Variants in MYO9A observed in about 807,000 individuals in gnomAD.
The protein encoded by MYO9A is unconventional myosin-IXa.
MYO9A carries 103 observed loss-of-function variants against 293.3 expected under a neutral mutation model. The observed-to-expected ratio is 0.35, with a 90% CI of 0.30 to 0.41. The LOEUF (loss-of-function observed/expected upper bound fraction) is 0.41. Ranked by LOEUF, MYO9A falls within the 10% of genes least tolerant of loss-of-function variation. The pLI is 1.00. For synonymous variants in MYO9A, 1,001 were observed against 1,035.7 expected (o/e 0.97, Z 0.64); for missense variants, 2,685 against 3,033.0 (o/e 0.89, Z 2.69).
intron 8 of MYO9A, among the ~76,000 whole-genome samples, chr15:72,000,990 TAGA>T (rs1459569319): frequency 1.3e-5 from 2 of 152,300 alleles, no homozygotes; most frequent in East Asian, 1.9e-4. Context: ...AACCTAAAAG[TAGA>T]AGGTTAGAGC....
rs1326003935 is a variant in MYO9A, at chr15:71,893,681, C to T, written c.5140G>A (p.Glu1714Lys). The change falls in exon 26 of 42, where the codon GAG becomes AAG. Residue 1714 changes from glutamate (E) to lysine (K), a missense_variant and splice_region_variant. By Grantham distance (56) the Glu-to-Lys change is moderately conservative. Transcript: ENST00000356056. ...ATAAACAAAAACTCAAAACTTACCT[C>T]TCTTTGGCCTGGCCCAGCTAACTTC... Reference protein sequence around the residue: ...PVKLAGPGQRETSQRFSSVDE... With the variant: ...PVKLAGPGQRKTSQRFSSVDE... 5.0e-6 allele frequency: 8 copies of T among 1,612,280 alleles called. No homozygotes were observed. The Admixed American group carries it at 1.3e-4, about 27-fold the overall frequency.
intron 15 of MYO9A, among the ~76,000 whole-genome samples, chr15:71,942,625 T>C (rs1240511236): frequency 6.6e-6 from 1 of 152,056 alleles, no homozygotes; most frequent in Non-Finnish European, 1.5e-5. Flanking sequence ...ACTTTCTGCT[T>C]TATTTATCCT....
chr15:71,893,581 TG>T, intron 26 of MYO9A, 97 bp downstream of exon 26: 1 of 879,492 alleles, frequency 1.1e-6, no homozygotes, highest in Non-Finnish European at 1.8e-6. Context: ...TGGGAGTAAA[TG>T]GGTAGATGAG....
intron 15 of MYO9A, among the ~76,000 whole-genome samples, chr15:71,944,834 A>G (rs917924395): frequency 6.6e-6 from 1 of 152,134 alleles, no homozygotes; most frequent in Non-Finnish European, 1.5e-5. Context: ...ATTTCTCTAT[A>G]AAGTTTAGAT....
intron 1 of MYO9A, among the ~76,000 whole-genome samples, chr15:72,102,893 T>G (rs2080406519): frequency 6.6e-6 from 1 of 151,908 alleles, no homozygotes; most frequent in Admixed American, 6.6e-5. Context: ...GAGACAAAAT[T>G]GTCATTATTT....
In MYO9A at chr15:71,825,995, G is replaced by GTTTTTTTTTTTTTTTT. The variant is rs11368306; in HGVS notation, c.*584_*585insAAAAAAAAAAAAAAAA. 2.2e-5 allele frequency: 2 copies of GTTTTTTTTTTTTTTTT among 91,524 alleles called. No homozygotes were observed. The highest frequency in any genetic ancestry group is 4.5e-5 in the Non-Finnish European group (2 of 44,768). The allele number at this position is 91,524 out of a possible 1,614,324, so 5.7% of individuals were successfully genotyped here. On this transcript the variant is annotated 3_prime_UTR_variant, in exon 42 of 42. Coordinates refer to ENST00000356056, the MANE Select transcript of MYO9A (RefSeq NM_006901.4). The stretch of plus-strand genomic sequence containing the variant: ...ATGGAAACAATCACGGTTTTTTTTT[G>GTTTTTTTTTTTTTTTT]TTTTTTTTTTTTTGTTTTTTTTTTT...
rs769009408 is a variant in MYO9A, at chr15:71,898,046, A to G, written c.4457T>C (p.Val1486Ala). ...PSLNTESSNP[V>A]LKKLEKLNTE... Reference sequence around the variant, plus strand: ...GTTTAGCTTTTCTAACTTCTTAAGCACAGGATTAGAAGACTCTGTATTCAA... The same window carrying G: ...GTTTAGCTTTTCTAACTTCTTAAGCGCAGGATTAGAAGACTCTGTATTCAA... The change falls in exon 25 of 42, where the codon GTG (valine) becomes GCG (alanine). Residue 1486 changes from valine (V) to alanine (A), a missense_variant. Coordinates refer to ENST00000356056, the MANE Select transcript of MYO9A (RefSeq NM_006901.4). 2.4e-5 allele frequency: 39 copies of G among 1,614,142 alleles called. 2 individuals carry two copies. The South Asian group carries it at 4.0e-4, about 16-fold the overall frequency.
Position 71,904,934 on chromosome 15 carries a change from C to T in MYO9A, c.2758G>A (p.Ala920Thr), listed in dbSNP as rs2057587207. Reference protein sequence around the residue: ...PYFVKCIRSNAEKLPLRFSDV... With the variant: ...PYFVKCIRSNTEKLPLRFSDV... ...TTATAGGACATTTTTACCTTTTCAG[C>T]ATTAGAGCGAATGCATTTTACAAAA... The change falls in exon 20 of 42, where the codon GCT becomes ACT. Residue 920 changes from alanine to threonine, a missense_variant. Ala to Thr is a moderately conservative substitution (Grantham distance 58). This residue lies in a region of MYO9A where 1,434 missense variants were observed against 1,497.7 expected (regional missense o/e 0.96). Transcript: ENST00000356056. The T allele has an allele frequency of 6.2e-7, 1 of 1,604,186 alleles. No individual in the cohort carries two copies. The highest frequency in any genetic ancestry group is 8.5e-7 in the Non-Finnish European group (1 of 1,173,230).
intron 1 of MYO9A, among the ~76,000 whole-genome samples, chr15:72,070,846 C>A (rs1030891268): frequency 1.1e-4 from 16 of 152,080 alleles, no homozygotes; most frequent in South Asian, 4.1e-4. Context: ...ATACTGGCTA[C>A]CCATATGCAG....
intron 1 of MYO9A, among the ~76,000 whole-genome samples, chr15:72,050,986 T>C (rs983874245): frequency 6.6e-6 from 1 of 152,254 alleles, no homozygotes; most frequent in Non-Finnish European, 1.5e-5. Flanking sequence ...CTGATAGTCT[T>C]GCTCTTTTTC....
intron 18 of MYO9A, among the ~76,000 whole-genome samples, chr15:71,920,155 ACTTCAT>A (rs1382297523): frequency 6.6e-6 from 1 of 152,168 alleles, no homozygotes. Context: ...TTCCTTGTCT[ACTTCAT>A]TCCTTTCTTA....
chr15:71,937,606 C>T lies in MYO9A; in HGVS notation c.2378+1246G>A, dbSNP rs964269970. 9.2e-5 allele frequency among the ~76,000 whole-genome samples: 14 copies of T among 152,008 alleles called. No homozygotes were observed. In the South Asian group the frequency reaches 1.0e-3, roughly 11 times the overall value. ...ATAACTTTTATATGCACTGGGAAACCGAAAAATTTGTGTGATTTGTTTTAC... is the reference window on the plus strand; with the variant it reads ...ATAACTTTTATATGCACTGGGAAACTGAAAAATTTGTGTGATTTGTTTTAC... On this transcript the variant is annotated intron_variant, in intron 16 of 41. Transcript: ENST00000356056.
intron 1 of MYO9A, among the ~76,000 whole-genome samples, chr15:72,061,043 C>T (rs575442134): frequency 6.6e-6 from 1 of 152,310 alleles, no homozygotes; most frequent in South Asian, 2.1e-4. Context: ...CCAGGCTCTA[C>T]ATCCCAGATA....
At chr15:71,895,554 G>A (rs1197646935) in intron 25 of MYO9A, among the ~76,000 whole-genome samples, 1 of 152,086 alleles carries the variant, frequency 6.6e-6, no homozygotes, top group African/African-American at 2.4e-5. Flanking sequence ...GGGCCCCAGT[G>A]ACCTTATCTG....
intron 18 of MYO9A, among the ~76,000 whole-genome samples, chr15:71,929,250 T>C (rs922678959): frequency 5.3e-5 from 8 of 152,230 alleles, no homozygotes; most frequent in Non-Finnish European, 1.0e-4. Flanking sequence ...ACTTCTTCCT[T>C]TTGAATCTGG....
chr15:71,968,512 G>A (rs886867875), intron 12 of MYO9A, among the ~76,000 whole-genome samples: 7 of 152,042 alleles, frequency 4.6e-5, no homozygotes, highest in East Asian at 1.9e-4. Context: ...ATAATATCTC[G>A]ATTCTCATAG....
At chr15:71,838,891 T>C (rs564581146) in intron 39 of MYO9A, among the ~76,000 whole-genome samples, 1 of 152,344 alleles carries the variant, frequency 6.6e-6, no homozygotes, top group East Asian at 1.9e-4. Flanking sequence ...AGTGGAGTTC[T>C]CTTCTTAAAA....
intron 13 of MYO9A, among the ~76,000 whole-genome samples, chr15:71,962,903 G>A (rs575643220): frequency 1.3e-5 from 2 of 152,234 alleles, no homozygotes; most frequent in East Asian, 3.9e-4. Flanking sequence ...CATATTTCTA[G>A]ATTTCTAAGT....
At chr15:71,848,732 A>T in intron 39 of MYO9A, 113 bp downstream of exon 39, 1 of 1,263,768 alleles carries the variant, frequency 7.9e-7, no homozygotes, top group Non-Finnish European at 1.1e-6. Context: ...GTGACGTTTT[A>T]CTTGTTTTTT....
Sources: allele counts gnomAD v4.1 joint callset (sites outside exome capture counted in the v4.1 genomes callset), GRCh38; gene constraint gnomAD v4.1.1; regional missense constraint gnomAD v4.1.1; transcripts MANE v1.5; gene names NCBI Gene and HGNC (gene_info 2026-07-23, HGNC 2026-07-21).